CSMD1: variants seen among roughly 807,000 people sequenced by gnomAD.
CSMD1 encodes the protein CUB and Sushi multiple domains 1, also known as CUB and sushi domain-containing protein 1.
Under a neutral mutation model 417.5 loss-of-function variants are expected in CSMD1, and 213 were observed. The observed-to-expected ratio is 0.51, with a 90% CI of 0.46 to 0.57. The LOEUF is 0.57. Among genes scored for constraint, CSMD1 ranks in the 20% least tolerant of loss-of-function variants. The pLI is 0.00. For missense variants in CSMD1, 6,923 were observed against 4,529.7 expected (o/e 1.53, Z -15.17); for synonymous variants, 2,862 against 1,736.8 (o/e 1.65, Z -16.11).
chr8:4,994,293 GC>G, intron 1 of CSMD1, 38 bp downstream of exon 1: 1 of 1,584,438 alleles, frequency 6.3e-7, no homozygotes, highest in Non-Finnish European at 8.6e-7. Flanking sequence ...GCCTCCGAGG[GC>G]TCTACCGCCT....
At chr8:4,414,997 A>C (rs933433456) in intron 3 of CSMD1, among the ~76,000 whole-genome samples, 4 of 152,142 alleles carry the variant, frequency 2.6e-5, no homozygotes, top group African/African-American at 9.7e-5. Context: ...AATGTGATAA[A>C]TTGTCACATA....
chr8:4,547,526 T>G (rs763670834), intron 2 of CSMD1, among the ~76,000 whole-genome samples: 1 of 152,230 alleles, frequency 6.6e-6, no homozygotes. Context: ...ATGCACACTC[T>G]GCTCTCACTG....
intron 41 of CSMD1, among the ~76,000 whole-genome samples, chr8:3,119,465 T>C (rs767894569): frequency 9.5e-5 from 14 of 147,256 alleles, no homozygotes; most frequent in Admixed American, 2.7e-4. Context: ...TTTTATAACA[T>C]GATTTATTGT....
intron 9 of CSMD1, 114 bp downstream of exon 9, chr8:3,586,022 T>G: frequency 9.4e-7 from 1 of 1,065,300 alleles, no homozygotes; most frequent in Non-Finnish European, 1.3e-6. Context: ...CATACATTAC[T>G]ACCGAATTCT....
intron 3 of CSMD1, among the ~76,000 whole-genome samples, chr8:4,127,191 G>C (rs923805122): frequency 6.6e-6 from 1 of 151,888 alleles, no homozygotes; most frequent in Non-Finnish European, 1.5e-5. Context: ...GCTATCCCTG[G>C]AGGTGGCTGT....
In CSMD1 at chr8:3,439,309, A is replaced by ATATATATATATATTTT; in HGVS notation, c.1561+29402_1561+29403insAAAATATATATATATA. Among the ~76,000 whole-genome samples the ATATATATATATATTTT allele has an allele frequency of 4.5e-3, 283 of 62,248 alleles. 4 individuals carry two copies. Among genetic ancestry groups the ATATATATATATATTTT allele is most frequent in the Admixed American group, 0.012 (54 of 4,498 alleles). The allele number at this position is 62,248 out of a possible 152,430, so 40.8% of individuals were successfully genotyped here. ...TATATATATATATATATATATATAT[A>ATATATATATATATTTT]TTTTTTTTTTTAATATGTATTTTTA... On this transcript the variant is annotated intron_variant, in intron 12 of 69. Coordinates refer to ENST00000635120, the MANE Select transcript of CSMD1 (RefSeq NM_033225.6).
At chr8:4,455,073 T>A (rs1230162831) in intron 2 of CSMD1, among the ~76,000 whole-genome samples, 1 of 152,124 alleles carries the variant, frequency 6.6e-6, no homozygotes, top group Non-Finnish European at 1.5e-5. Flanking sequence ...GGAAACTTCG[T>A]GCTATACAGG....
intron 3 of CSMD1, among the ~76,000 whole-genome samples, chr8:4,345,781 T>C (rs1190230247): frequency 6.6e-6 from 1 of 152,118 alleles, no homozygotes; most frequent in Non-Finnish European, 1.5e-5. Flanking sequence ...GTTAAAATGC[T>C]AATTCTTCCA....
intron 12 of CSMD1, among the ~76,000 whole-genome samples, chr8:3,435,870 C>A (rs931625727): frequency 6.6e-6 from 1 of 152,248 alleles, no homozygotes; most frequent in Non-Finnish European, 1.5e-5. Context: ...GACTTTGCTT[C>A]TGCCCCACTG....
chr8:4,350,048 G>C lies in CSMD1; in HGVS notation c.415+69905C>G, dbSNP rs193214570. Reference sequence around the variant, plus strand: ...CCTTGACTAAAGAGGCTTAGTTTTAGCTTATTTCAAATAAGAATCTCTCAG... The same window carrying C: ...CCTTGACTAAAGAGGCTTAGTTTTACCTTATTTCAAATAAGAATCTCTCAG... On this transcript the variant is annotated intron_variant, in intron 3 of 69. Coordinates refer to ENST00000635120, the MANE Select transcript of CSMD1 (RefSeq NM_033225.6). Among the ~76,000 whole-genome samples, 50 of 152,176 alleles carry C rather than the reference G, an allele frequency of 3.3e-4. 1 individual carries two copies. The highest frequency in any genetic ancestry group is 3.4e-3 in the Middle Eastern group (1 of 294).
rs181674733 is a variant in CSMD1, at chr8:4,075,504, G to A, written c.416-43405C>T. 5.3e-3 allele frequency among the ~76,000 whole-genome samples: 813 copies of A among 152,220 alleles called. 2 individuals are homozygous for A. The highest frequency in any genetic ancestry group is 9.0e-3 in the Non-Finnish European group (611 of 68,002). On this transcript the variant is annotated intron_variant, in intron 3 of 69. Transcript: ENST00000635120. ...TAAAATAAAGTGGCAAATGAATTTC[G>A]TGGGAATTGATAACTAAAAATGTCA...
intron 2 of CSMD1, among the ~76,000 whole-genome samples, chr8:4,423,720 G>C (rs1398144212): frequency 6.9e-6 from 1 of 144,048 alleles, no homozygotes; most frequent in East Asian, 2.1e-4. Flanking sequence ...AAATTTATGT[G>C]GGAAGGCAAA....
At chr8:3,530,607 T>C (rs1325105167) in intron 10 of CSMD1, among the ~76,000 whole-genome samples, 1 of 152,182 alleles carries the variant, frequency 6.6e-6, no homozygotes, top group Non-Finnish European at 1.5e-5. Context: ...CAGCAACCTC[T>C]GCCTTCTGGG....
chr8:4,824,082 CCACACACA>C (rs34597770), intron 1 of CSMD1, among the ~76,000 whole-genome samples: 8 of 147,740 alleles, frequency 5.4e-5, no homozygotes, highest in South Asian at 4.4e-4. Context: ...AAATAAATAT[CCACACACA>C]CACACACACA....
intron 1 of CSMD1, among the ~76,000 whole-genome samples, chr8:4,650,169 C>A (rs1047864501): frequency 6.6e-6 from 1 of 151,714 alleles, no homozygotes; most frequent in East Asian, 1.9e-4. Flanking sequence ...CACGGTGAAA[C>A]CCCGTCTCTA....
chr8:4,444,127 A>T (rs1447561792), intron 2 of CSMD1, among the ~76,000 whole-genome samples: 2 of 152,016 alleles, frequency 1.3e-5, no homozygotes, highest in Non-Finnish European at 2.9e-5. Flanking sequence ...CGATCACTTC[A>T]GGTCAGAAAT....
rs142197674 is a variant in CSMD1 at position 3,019,062 on chromosome 8, C to T, written c.7856-412G>A. Among the ~76,000 whole-genome samples the T allele has an allele frequency of 4.9e-3, 741 of 152,206 alleles. 6 individuals are homozygous for T. The highest frequency in any genetic ancestry group is 0.016 in the African/African-American group (684 of 41,536). On this transcript the variant is annotated intron_variant, in intron 51 of 69. Transcript: ENST00000635120. ...CCTCCCGAGTAGCTGCGATTAAAGG[C>T]GCCTGCCACCATGTCCCGCTAATTT...
At position 4,951,546 on chromosome 8, in the gene CSMD1, G is replaced by C. The variant is rs558546704; in HGVS notation, c.85+42786C>G. On this transcript the variant is annotated intron_variant, in intron 1 of 69. Transcript: ENST00000635120. ...GGGAGAAAGAGAAAAGAAAAGAAAA[G>C]AAAAAAGGAAAAGAGAAAATAAAAA... Among the ~76,000 whole-genome samples, 4 of 142,866 alleles carry C rather than the reference G, an allele frequency of 2.8e-5. No individual in the cohort carries two copies. In the East Asian group the frequency reaches 8.4e-4, roughly 30 times the overall value. 93.7% of individuals were successfully genotyped at this position (142,866 alleles called of 152,430 possible). A position where few individuals can be genotyped will look rare whatever the true frequency, so the allele number is the denominator to read the frequency against.
chr8:4,275,954 T>TA, intron 3 of CSMD1, among the ~76,000 whole-genome samples: 1 of 152,260 alleles, frequency 6.6e-6, no homozygotes, highest in East Asian at 1.9e-4. Context: ...CATGAATAGT[T>TA]AAAAAGTCAG....
Sources: allele counts gnomAD v4.1 joint callset (sites outside exome capture counted in the v4.1 genomes callset), GRCh38; gene constraint gnomAD v4.1.1; transcripts MANE v1.5; gene names NCBI Gene and HGNC (gene_info 2026-07-23, HGNC 2026-07-21).